The following RRP1 variants were observed in gnomAD, a reference collection of about 807,000 sequenced individuals.
The protein encoded by RRP1 is ribosomal RNA processing 1.
A neutral mutation model predicts 54.6 loss-of-function variants in RRP1; 37 were observed. The ratio of observed to expected loss-of-function variants is 0.68; its 90% confidence interval spans 0.52 to 0.89. RRP1 has a LOEUF of 0.89. RRP1 is among the 40% of genes least tolerant of loss of function. The pLI, the probability that RRP1 is intolerant of heterozygous loss-of-function variation, is 0.00. For synonymous variants in RRP1, 262 were observed against 244.3 expected, an observed-to-expected ratio of 1.07 and a Z score of -0.67; for missense variants, 639 against 612.5, an observed-to-expected ratio of 1.04 and a Z score of -0.46.
chr21:43,801,003 G>T, intron 11 of RRP1, 122 bp downstream of exon 11: 1 of 1,083,506 alleles, frequency 9.2e-7, no homozygotes, highest in Non-Finnish European at 1.4e-6. Context: ...AGGCCTGGTG[G>T]TGTTTCTGAG....
chr21:43,793,182 T>C, intron 3 of RRP1, 137 bp from the exon 4 acceptor site: 2 of 743,482 alleles, frequency 2.7e-6, no homozygotes, highest in Non-Finnish European at 4.6e-6. Context: ...CAAGATCCAG[T>C]TCTGGGGGTA....
chr21:43,802,551 T>C, intron 12 of RRP1, 164 bp downstream of exon 12: 1 of 625,892 alleles, frequency 1.6e-6, no homozygotes, highest in Non-Finnish European at 2.9e-6. Flanking sequence ...GTCCTCGGCA[T>C]CCCTCCTGTA....
intron 10 of RRP1, 120 bp downstream of exon 10, chr21:43,800,734 A>G (rs1036178673): frequency 2.7e-6 from 4 of 1,485,060 alleles, no homozygotes; most frequent in Non-Finnish European, 3.7e-6. Flanking sequence ...GATCCCCGCT[A>G]GGACCCTGAG....
intron 11 of RRP1, 101 bp downstream of exon 11, chr21:43,800,982 T>A: frequency 7.8e-7 from 1 of 1,277,680 alleles, no homozygotes; most frequent in Non-Finnish European, 1.1e-6. Flanking sequence ...ACGTGGAGTC[T>A]CTTTGCAGAG....
intron 11 of RRP1, among the ~76,000 whole-genome samples, chr21:43,801,503 C>G (rs1204453785): frequency 6.6e-6 from 1 of 152,168 alleles, no homozygotes; most frequent in Non-Finnish European, 1.5e-5. Flanking sequence ...GAGGCGGTGT[C>G]TCGCTCTGTT....
chr21:43,797,046 C>A (rs3819613), intron 5 of RRP1, among the ~76,000 whole-genome samples: 8,021 of 152,264 alleles, frequency 0.053, 282 homozygotes, highest in South Asian at 0.15. Context: ...CCAGTGGAGG[C>A]AGTGGAGAGG....
Position 43,789,743 on chromosome 21 carries a change from C to T in RRP1, c.114C>T (p.Ala38=), listed in dbSNP as rs969800443. The change falls in exon 1 of 13, where the codon GCC becomes GCT. Residue 38 remains alanine, a synonymous_variant. Transcript: ENST00000497547. ...GGAAGCTCCGGAAATACATCGTCGCCAGGACTCAGCGGGCCGCAGGTTGGC... is the reference window on the plus strand; with the variant it reads ...GGAAGCTCCGGAAATACATCGTCGCTAGGACTCAGCGGGCCGCAGGTTGGC... ...AVRKLRKYIV[A]RTQRAAGGFT... 2.3e-5 allele frequency: 35 copies of T among 1,524,962 alleles called. No individual in the cohort carries two copies. The highest frequency in any genetic ancestry group is 3.0e-5 in the Non-Finnish European group (34 of 1,135,370). The allele number at this position is 1,524,962 out of a possible 1,614,324, so 94.5% of individuals were successfully genotyped here.
chr21:43,789,851 G>A (rs973258588), intron 1 of RRP1, 89 bp downstream of exon 1: 21 of 1,372,548 alleles, frequency 1.5e-5, no homozygotes, highest in East Asian at 3.0e-5. Context: ...GGGGCCCTCC[G>A]AGCCCTGTGG....
chr21:43,796,346 T>C (rs1754409548), intron 5 of RRP1, among the ~76,000 whole-genome samples: 1 of 152,228 alleles, frequency 6.6e-6, no homozygotes, highest in South Asian at 2.1e-4. Context: ...GTCTCATGGC[T>C]TAAGCTGAAT....
chr21:43,797,326 G>A lies in RRP1; in HGVS notation c.423-96G>A, dbSNP rs985483548. 2.7e-6 allele frequency: 4 copies of A among 1,504,636 alleles called. No individual in the cohort carries two copies. The African/African-American group carries it at 5.6e-5, about 21-fold the overall frequency. 93.2% of individuals were successfully genotyped at this position (1,504,636 alleles called of 1,614,324 possible). A position where few individuals can be genotyped will look rare whatever the true frequency, so the allele number is the denominator to read the frequency against. On this transcript the variant is annotated intron_variant, in intron 5 of 12. Coordinates refer to ENST00000497547, the MANE Select transcript of RRP1 (RefSeq NM_003683.6). ...GACAGTGGCGCCTGCCCGCACTTAG[G>A]TTCCCATCAGAGCGTGTAACCATGG...
chr21:43,796,097 A>C (rs2085015918), intron 5 of RRP1, among the ~76,000 whole-genome samples: 1 of 151,354 alleles, frequency 6.6e-6, no homozygotes, highest in South Asian at 2.1e-4. Context: ...GAGCCACTGC[A>C]CTCTAGCCTA....
chr21:43,802,492 G>A (rs775384637), intron 12 of RRP1, 105 bp downstream of exon 12: 3 of 876,400 alleles, frequency 3.4e-6, no homozygotes, highest in Non-Finnish European at 5.6e-6. Flanking sequence ...CATGAGTGCC[G>A]AGTCCCCCAT....
chr21:43,801,195 C>T (rs2085086305), intron 11 of RRP1, among the ~76,000 whole-genome samples: 4 of 152,214 alleles, frequency 2.6e-5, no homozygotes. Context: ...CACGTCTGTT[C>T]TTGGCAGCGC....
chr21:43,794,781 C>T (rs371227826), intron 4 of RRP1, among the ~76,000 whole-genome samples: 4 of 152,196 alleles, frequency 2.6e-5, no homozygotes, highest in South Asian at 2.1e-4. Context: ...GAGGACCAGC[C>T]GTGTTTCAGA....
Position 43,803,677 on chromosome 21 carries a change from C to CT in RRP1, c.1290dup (p.Arg431SerfsTer319). On this transcript the variant is annotated frameshift_variant, in exon 13 of 13. Transcript: ENST00000497547. LOFTEE classifies it low-confidence loss of function (END_TRUNC). ...CCCAGGGGCCGTGGCCAGAGAGGGG[C>CT]TCGCCAGAGAAGGAGGACACCTCGG... 4 of 1,552,196 alleles carry CT rather than the reference C, an allele frequency of 2.6e-6. No homozygotes were observed. Among genetic ancestry groups the CT allele is most frequent in the Non-Finnish European group, 3.5e-6 (4 of 1,148,212 alleles).
chr21:43,798,485 G>A (rs2085047546), intron 8 of RRP1, among the ~76,000 whole-genome samples: 1 of 152,046 alleles, frequency 6.6e-6, no homozygotes, highest in Non-Finnish European at 1.5e-5. Flanking sequence ...AGCCCCCAAC[G>A]CAGTCCTCCC....
chr21:43,792,366 G>C (rs1042772102), intron 2 of RRP1, among the ~76,000 whole-genome samples: 1 of 152,190 alleles, frequency 6.6e-6, no homozygotes, highest in Admixed American at 6.5e-5. Flanking sequence ...CTCTTTAACC[G>C]TGACTCTGTG....
chr21:43,800,047 C>T (rs2085069483), intron 9 of RRP1, among the ~76,000 whole-genome samples: 1 of 152,334 alleles, frequency 6.6e-6, no homozygotes, highest in Admixed American at 6.5e-5. Context: ...TGGGTCCCAG[C>T]GAGGAATCCA....
At chr21:43,797,778 C>A in intron 7 of RRP1, 83 bp downstream of exon 7, 1 of 1,581,080 alleles carries the variant, frequency 6.3e-7, no homozygotes, top group Non-Finnish European at 8.7e-7. Flanking sequence ...GCTGCTCCCT[C>A]GAGGGATGAA....
Sources: gnomAD v4.1 joint callset for allele counts (sites outside exome capture counted in the v4.1 genomes callset) on GRCh38, gnomAD v4.1.1 for gene constraint, MANE v1.5 for transcripts, NCBI Gene and HGNC (gene_info 2026-07-23, HGNC 2026-07-21) for gene names.